MTF2: variants seen among roughly 807,000 people sequenced by gnomAD.
MTF2 encodes metal response element binding transcription factor 2.
Under a neutral mutation model 79.5 loss-of-function variants are expected in MTF2, and 11 were observed. The ratio of observed to expected loss-of-function variants is 0.14; its 90% confidence interval spans 0.09 to 0.23. The LOEUF is 0.23. MTF2 is among the 10% of genes least tolerant of loss of function. MTF2 has a pLI of 1.00. For missense variants in MTF2, 486 were observed against 711.2 expected, an observed-to-expected ratio of 0.68 and a Z score of 3.60; for synonymous variants, 208 against 232.8, an observed-to-expected ratio of 0.89 and a Z score of 0.97.
chr1:93,104,165 C>T (rs1486047290), intron 1 of MTF2, among the ~76,000 whole-genome samples: 1 of 141,660 alleles, frequency 7.1e-6, no homozygotes, highest in Non-Finnish European at 1.5e-5. Context: ...GTCTCAAATT[C>T]CTAGGCTCAA....
At chr1:93,119,222 A>G in intron 7 of MTF2, 111 bp from the exon 8 acceptor site, 11 of 699,622 alleles carry the variant, frequency 1.6e-5, no homozygotes, top group Non-Finnish European at 2.4e-5. Context: ...TGTTTTGAGT[A>G]TCAGTCTTTA....
At chr1:93,129,599 G>C in intron 11 of MTF2, 151 bp downstream of exon 11, 3 of 569,392 alleles carry the variant, frequency 5.3e-6, no homozygotes, top group Non-Finnish European at 8.2e-6. Context: ...ATCTTGCTTA[G>C]ACAAGGTATG....
chr1:93,103,254 A>G, intron 1 of MTF2, among the ~76,000 whole-genome samples: 1 of 151,272 alleles, frequency 6.6e-6, no homozygotes, highest in South Asian at 2.1e-4. Context: ...TATTATATAT[A>G]TATTAATTCT....
chr1:93,132,267 A>G (rs934235394), intron 11 of MTF2, among the ~76,000 whole-genome samples: 4 of 152,188 alleles, frequency 2.6e-5, no homozygotes, highest in Non-Finnish European at 5.9e-5. Flanking sequence ...GTTTTCTTTG[A>G]ATGAAGGAAA....
intron 14 of MTF2, among the ~76,000 whole-genome samples, chr1:93,134,834 TA>T (rs11285300): frequency 0.78 from 112,833 of 144,060 alleles, 44,062 homozygotes; most frequent in Non-Finnish European, 0.82. Context: ...AAGATTTGAT[TA>T]AAAAAAAAAA....
intron 10 of MTF2, chr1:93,129,047 A>G (rs1229908966): frequency 3.0e-6 from 1 of 337,052 alleles, no homozygotes; most frequent in Non-Finnish European, 5.3e-6. Context: ...TTAAAAAGAA[A>G]AGTGGACATG....
At chr1:93,108,510 C>G (rs1655898464) in intron 1 of MTF2, among the ~76,000 whole-genome samples, 1 of 151,784 alleles carries the variant, frequency 6.6e-6, no homozygotes, top group Non-Finnish European at 1.5e-5. Context: ...ATCTCACTGC[C>G]TTCTGGCCTT....
At chr1:93,094,668 G>T (rs1414923339) in intron 1 of MTF2, among the ~76,000 whole-genome samples, 1 of 151,714 alleles carries the variant, frequency 6.6e-6, no homozygotes, top group Non-Finnish European at 1.5e-5. Context: ...CCAGGTTCAG[G>T]TTTGCCTTTT....
Position 93,137,052 on chromosome 1 carries a change from C to G in MTF2, c.*25C>G. 3 of 1,562,130 alleles carry G rather than the reference C, an allele frequency of 1.9e-6. No homozygotes were observed. The highest frequency in any genetic ancestry group is 1.8e-6 in the Non-Finnish European group (2 of 1,135,948). Reference sequence around the variant, plus strand: ...ACTGTAGGACTGAACATTATGTTCACTGCACTCTGATTTTCTGTAGGTACA... The same window carrying G: ...ACTGTAGGACTGAACATTATGTTCAGTGCACTCTGATTTTCTGTAGGTACA... On this transcript the variant is annotated 3_prime_UTR_variant, in exon 15 of 15. Coordinates refer to ENST00000370298, the MANE Select transcript of MTF2 (RefSeq NM_007358.4).
At chr1:93,088,999 C>T (rs1654965854) in intron 1 of MTF2, among the ~76,000 whole-genome samples, 1 of 152,062 alleles carries the variant, frequency 6.6e-6, no homozygotes, top group African/African-American at 2.4e-5. Flanking sequence ...ATAAAACTGA[C>T]TTTTTATCGT....
intron 1 of MTF2, among the ~76,000 whole-genome samples, chr1:93,097,496 A>G (rs529490112): frequency 5.8e-4 from 88 of 152,322 alleles, no homozygotes; most frequent in African/African-American, 2.1e-3. Context: ...TGATTATTTT[A>G]AAAAACTTGG....
chr1:93,116,827 A>G (rs950141982), intron 6 of MTF2, among the ~76,000 whole-genome samples: 2 of 152,108 alleles, frequency 1.3e-5, no homozygotes, highest in Non-Finnish European at 2.9e-5. Flanking sequence ...TAATTAGCCT[A>G]ATTTCAATAT....
At chr1:93,136,548 C>T in intron 14 of MTF2, 122 bp from the exon 15 acceptor site, 2 of 832,654 alleles carry the variant, frequency 2.4e-6, no homozygotes, top group African/African-American at 1.7e-5. Context: ...TTGGGTTTGG[C>T]TCATTTTTAT....
At chr1:93,118,065 T>C (rs1221586902) in intron 6 of MTF2, among the ~76,000 whole-genome samples, 1 of 152,108 alleles carries the variant, frequency 6.6e-6, no homozygotes, top group Non-Finnish European at 1.5e-5. Context: ...CAGAGCTCAT[T>C]TGACTAGTGT....
chr1:93,096,237 T>G lies in MTF2; in HGVS notation c.6-13993T>G, dbSNP rs557400039. 9.8e-5 allele frequency among the ~76,000 whole-genome samples: 15 copies of G among 152,354 alleles called. No homozygotes were observed. The South Asian group carries it at 3.1e-3, about 32-fold the overall frequency. ...GTGTGTTTTAATTTTTTCTTTTCTC[T>G]TTGTTTTGTCATGAAAAGGAACAAA... is the stretch of plus-strand genomic sequence containing the variant. On this transcript the variant is annotated intron_variant, in intron 1 of 14. Coordinates refer to ENST00000370298, the MANE Select transcript of MTF2 (RefSeq NM_007358.4).
intron 5 of MTF2, 62 bp downstream of exon 5, chr1:93,115,150 T>C (rs1318635933): frequency 8.0e-7 from 1 of 1,251,222 alleles, no homozygotes; most frequent in Non-Finnish European, 1.2e-6. Flanking sequence ...ATCAACATAA[T>C]GATTGTGTAC....
At chr1:93,127,944 T>C (rs1656766486) in intron 10 of MTF2, among the ~76,000 whole-genome samples, 1 of 152,150 alleles carries the variant, frequency 6.6e-6, no homozygotes, top group Non-Finnish European at 1.5e-5. Context: ...TTGACTCCAG[T>C]GAAATTTTAT....
chr1:93,084,838 C>T (rs1487150119), intron 1 of MTF2, among the ~76,000 whole-genome samples: 2 of 152,128 alleles, frequency 1.3e-5, no homozygotes, highest in Non-Finnish European at 2.9e-5. Flanking sequence ...TGATGTGCCA[C>T]TGCACTCCAG....
At chr1:93,086,082 G>A (rs1467584945) in intron 1 of MTF2, among the ~76,000 whole-genome samples, 2 of 152,098 alleles carry the variant, frequency 1.3e-5, no homozygotes, top group Non-Finnish European at 2.9e-5. Context: ...AAAGTCACTG[G>A]GTAATATGAA....
Sources: allele counts gnomAD v4.1 joint callset (sites outside exome capture counted in the v4.1 genomes callset), GRCh38; gene constraint gnomAD v4.1.1; transcripts MANE v1.5; gene names NCBI Gene and HGNC (gene_info 2026-07-23, HGNC 2026-07-21).